The following SNX29 variants were observed in gnomAD, a reference collection of about 807,000 sequenced individuals.
SNX29 encodes sorting nexin 29.
In SNX29, 78 loss-of-function variants were observed where a neutral mutation model predicts 102.1. That is an observed-to-expected ratio of 0.76 (90% CI 0.64 to 0.92). The LOEUF (loss-of-function observed/expected upper bound fraction) is 0.92. Among genes scored for constraint, SNX29 ranks in the 40% least tolerant of loss-of-function variants. SNX29 has a pLI of 0.00. For synonymous variants in SNX29, 580 were observed against 414.5 expected (o/e 1.40, Z -4.85); for missense variants, 1,280 against 1,061.7 (o/e 1.21, Z -2.86).
At chr16:12,383,465 C>T (rs942399617) in intron 16 of SNX29, among the ~76,000 whole-genome samples, 5 of 151,946 alleles carry the variant, frequency 3.3e-5, no homozygotes, top group African/African-American at 1.2e-4. Context: ...GGGACAGAGT[C>T]TCGCTCTCTT....
chr16:12,563,867 C>A (rs1414685941), intron 20 of SNX29, among the ~76,000 whole-genome samples: 1 of 152,358 alleles, frequency 6.6e-6, no homozygotes, highest in East Asian at 1.9e-4. Flanking sequence ...CCATCTCTCC[C>A]CATCTCTAGC....
At chr16:12,291,595 C>G (rs1489433845) in intron 15 of SNX29, among the ~76,000 whole-genome samples, 1 of 152,190 alleles carries the variant, frequency 6.6e-6, no homozygotes, top group African/African-American at 2.4e-5. Flanking sequence ...GTTTTTCTTC[C>G]AGGTTCACAT....
chr16:12,483,319 CTTT>C (rs71139599), intron 19 of SNX29, among the ~76,000 whole-genome samples: 5 of 134,760 alleles, frequency 3.7e-5, no homozygotes, highest in Non-Finnish European at 7.9e-5. Flanking sequence ...ATTTACTTTT[CTTT>C]TTTTTTTTTT....
chr16:12,301,505 C>A (rs932158162), intron 15 of SNX29, among the ~76,000 whole-genome samples: 2 of 152,252 alleles, frequency 1.3e-5, no homozygotes, highest in South Asian at 2.1e-4. Flanking sequence ...CTCAGTGAGG[C>A]CTTCCCTGGC....
At chr16:11,997,650 T>G (rs1202069095) in intron 1 of SNX29, among the ~76,000 whole-genome samples, 1 of 151,960 alleles carries the variant, frequency 6.6e-6, no homozygotes, top group Non-Finnish European at 1.5e-5. Context: ...GCTAATTTTT[T>G]GTGTTTTTGG....
At chr16:12,024,661 CT>C (rs2057138176) in intron 3 of SNX29, among the ~76,000 whole-genome samples, 1 of 152,166 alleles carries the variant, frequency 6.6e-6, no homozygotes. Flanking sequence ...TAACCCAAAC[CT>C]TGGGGACTGG....
At chr16:12,406,548 A>T (rs929954963) in intron 18 of SNX29, among the ~76,000 whole-genome samples, 2 of 152,224 alleles carry the variant, frequency 1.3e-5, no homozygotes, top group Non-Finnish European at 1.5e-5. Flanking sequence ...GCTCCCTGGT[A>T]CTGGAGCTGC....
intron 19 of SNX29, among the ~76,000 whole-genome samples, chr16:12,504,361 C>T (rs2089274449): frequency 6.6e-6 from 1 of 152,066 alleles, no homozygotes; most frequent in Non-Finnish European, 1.5e-5. Flanking sequence ...ATGTTTTCAT[C>T]ACCCGGAAAG....
intron 20 of SNX29, among the ~76,000 whole-genome samples, chr16:12,529,899 C>T (rs1435755233): frequency 6.6e-6 from 1 of 152,100 alleles, no homozygotes; most frequent in Non-Finnish European, 1.5e-5. Context: ...TGTGGACTGG[C>T]CAGAACCTTC....
At chr16:12,564,525 C>G (rs2078908979) in intron 20 of SNX29, among the ~76,000 whole-genome samples, 1 of 152,180 alleles carries the variant, frequency 6.6e-6, no homozygotes, top group African/African-American at 2.4e-5. Context: ...TTTTCTGACT[C>G]TGAATATGGA....
chr16:11,984,710 G>C (rs1405159608), intron 1 of SNX29, among the ~76,000 whole-genome samples: 1 of 152,046 alleles, frequency 6.6e-6, no homozygotes, highest in African/African-American at 2.4e-5. Flanking sequence ...CTGGAATGCA[G>C]TGGTGATACA....
chr16:12,514,217 A>G (rs1347061838), intron 19 of SNX29, among the ~76,000 whole-genome samples: 1 of 152,230 alleles, frequency 6.6e-6, no homozygotes, highest in Non-Finnish European at 1.5e-5. Flanking sequence ...TTTCAGTCTC[A>G]TAGAAGGAAT....
At chr16:12,334,244 C>T (rs1015715871) in intron 15 of SNX29, among the ~76,000 whole-genome samples, 1 of 152,176 alleles carries the variant, frequency 6.6e-6, no homozygotes, top group Non-Finnish European at 1.5e-5. Context: ...AAACAAAGCA[C>T]ACCGCCAAGG....
At chr16:12,152,396 C>T (rs1337291212) in intron 13 of SNX29, among the ~76,000 whole-genome samples, 2 of 152,190 alleles carry the variant, frequency 1.3e-5, no homozygotes, top group African/African-American at 4.8e-5. Flanking sequence ...TGCAGATGGT[C>T]ATTTCAAGGT....
At chr16:12,318,662 T>C (rs553573649) in intron 15 of SNX29, among the ~76,000 whole-genome samples, 72 of 152,250 alleles carry the variant, frequency 4.7e-4, no homozygotes, top group Non-Finnish European at 6.6e-4. Flanking sequence ...CTTGTTCTTA[T>C]GGCCCAATAA....
Position 12,555,242 on chromosome 16 carries a change from G to C in SNX29, c.2319-13264G>C, listed in dbSNP as rs180835891. ...TGGGTACAGGGAGAAATGGAGGTGA[G>C]AGATGAGGGTGCTCAAACCCAGGGT... On this transcript the variant is annotated intron_variant, in intron 20 of 20. Transcript: ENST00000566228. Among the ~76,000 whole-genome samples the C allele has an allele frequency of 2.9e-3, 440 of 151,860 alleles. 1 individual carries two copies. The highest frequency in any genetic ancestry group is 0.01 in the African/African-American group (429 of 41,450).
intron 20 of SNX29, among the ~76,000 whole-genome samples, chr16:12,534,982 T>C (rs562451860): frequency 3.3e-5 from 5 of 152,246 alleles, no homozygotes; most frequent in South Asian, 2.1e-4. Flanking sequence ...ACGTCATTAG[T>C]GTGAAGGTTG....
intron 19 of SNX29, among the ~76,000 whole-genome samples, chr16:12,489,925 C>T (rs1349850481): frequency 6.6e-6 from 1 of 152,130 alleles, no homozygotes; most frequent in African/African-American, 2.4e-5. Flanking sequence ...TGTGCCTCAG[C>T]CTCCTGAGTA....
At chr16:12,228,655 C>G (rs2077685775) in intron 14 of SNX29, among the ~76,000 whole-genome samples, 1 of 152,240 alleles carries the variant, frequency 6.6e-6, no homozygotes, top group East Asian at 1.9e-4. Context: ...ACCTTTTCAA[C>G]CCTGTCTGGT....
Sources: gnomAD v4.1 joint callset for allele counts (sites outside exome capture counted in the v4.1 genomes callset) on GRCh38, gnomAD v4.1.1 for gene constraint, MANE v1.5 for transcripts, NCBI Gene and HGNC (gene_info 2026-07-23, HGNC 2026-07-21) for gene names.